ANK3: variants seen among roughly 807,000 people sequenced by gnomAD.
ANK3 encodes the protein ankyrin-3.
A neutral mutation model predicts 370.9 loss-of-function variants in ANK3; 57 were observed. The ratio of observed to expected loss-of-function variants is 0.15; its 90% CI spans 0.12 to 0.19. The LOEUF (loss-of-function observed/expected upper bound fraction) is 0.19. ANK3 is among the 10% of genes least tolerant of loss of function. The pLI is 1.00. For synonymous variants in ANK3, 1,929 were observed against 1,946.3 expected, an observed-to-expected ratio of 0.99 and a Z score of 0.23; for missense variants, 4,439 against 5,302.1, an observed-to-expected ratio of 0.84 and a Z score of 5.06.
At position 60,141,561 on chromosome 10, in the gene ANK3, G is replaced by GTTTTTTTTTTTTTTTTT. The variant is rs36033791; in HGVS notation, c.2615-2491_2615-2475dup. On this transcript the variant is annotated intron_variant, in intron 23 of 43. Coordinates refer to ENST00000280772, the MANE Select transcript of ANK3 (RefSeq NM_020987.5). ...CACTGGAGAGGCCATTTCAATTGCT[G>GTTTTTTTTTTTTTTTTT]TTTTTTTTTTTTTTTTTTTTTTTTT... Among the ~76,000 whole-genome samples the GTTTTTTTTTTTTTTTTT allele has an allele frequency of 8.2e-5, 4 of 49,044 alleles. 1 individual carries two copies. The highest frequency in any genetic ancestry group is 3.7e-4 in the African/African-American group (4 of 10,746). 32.2% of individuals were successfully genotyped at this position (49,044 alleles called of 152,430 possible).
chr10:60,156,121 CA>C (rs1290213168), intron 23 of ANK3, among the ~76,000 whole-genome samples: 1 of 152,214 alleles, frequency 6.6e-6, no homozygotes, highest in African/African-American at 2.4e-5. Flanking sequence ...TCAGTTGTGA[CA>C]CCAGCTGTGG....
At chr10:60,629,474 C>G (rs1461802061) in intron 1 of ANK3, among the ~76,000 whole-genome samples, 1 of 152,074 alleles carries the variant, frequency 6.6e-6, no homozygotes, top group Non-Finnish European at 1.5e-5. Flanking sequence ...ACTATCATCT[C>G]AAGCTAGATG....
In ANK3 at chr10:60,028,157, A is replaced by G. The variant is rs2072519319; in HGVS notation, c.*1689T>C. ...TATCTCCAATTCTTCACTTTTCAAG[A>G]AGGCCTGAACAGATGTGGGCAAAGC... On this transcript the variant is annotated 3_prime_UTR_variant, in exon 44 of 44. Coordinates refer to ENST00000280772, the MANE Select transcript of ANK3 (RefSeq NM_020987.5). 1 of 152,216 alleles carries G rather than the reference A, an allele frequency of 6.6e-6. No individual in the cohort carries two copies. The highest frequency in any genetic ancestry group is 1.5e-5 in the Non-Finnish European group (1 of 68,046). 9.4% of individuals were successfully genotyped at this position (152,216 alleles called of 1,614,324 possible).
chr10:60,249,555 C>T (rs1244029473), intron 7 of ANK3, among the ~76,000 whole-genome samples: 1 of 152,220 alleles, frequency 6.6e-6, no homozygotes, highest in Non-Finnish European at 1.5e-5. Context: ...TCTCAGGTAT[C>T]TTGCCTTCAC....
chr10:60,319,968 C>T (rs949696031), intron 1 of ANK3, among the ~76,000 whole-genome samples: 7 of 152,142 alleles, frequency 4.6e-5, no homozygotes, highest in Non-Finnish European at 7.3e-5. Flanking sequence ...AAAAGGGACC[C>T]CAGTTTCCCT....
intron 23 of ANK3, among the ~76,000 whole-genome samples, chr10:60,164,846 C>A (rs949376762): frequency 2.6e-5 from 4 of 152,126 alleles, no homozygotes; most frequent in East Asian, 1.9e-4. Context: ...TTCGGCAATA[C>A]CACAAAATTA....
chr10:60,526,725 C>T (rs1398635756), intron 2 of ANK3, among the ~76,000 whole-genome samples: 3 of 152,058 alleles, frequency 2.0e-5, no homozygotes, highest in Non-Finnish European at 4.4e-5. Flanking sequence ...GAGAGACCCA[C>T]ATGGTATATT....
intron 14 of ANK3, among the ~76,000 whole-genome samples, chr10:60,196,927 G>A (rs2132404631): frequency 6.6e-6 from 1 of 152,114 alleles, no homozygotes; most frequent in East Asian, 1.9e-4. Context: ...AAGTCTTCAG[G>A]TATCTCACCA....
intron 42 of ANK3, 55 bp from the exon 43 acceptor site, chr10:60,042,814 A>G: frequency 6.8e-7 from 1 of 1,461,750 alleles, no homozygotes; most frequent in Non-Finnish European, 9.0e-7. Flanking sequence ...TTAGTTATAA[A>G]GCAGTCCATT....
Position 60,068,938 on chromosome 10 carries a change from T to G in ANK3, c.11943A>C (p.Thr3981=), listed in dbSNP as rs2082145837. ...TTTTTTTTSC[T]VKVRKSQLKE... is the part of the protein sequence containing the mutation. ...TGAGCTGACTTTTCCTAACTTTAACTGTGCAGCTGGTGGTGGTGGTAGTGG... is the reference window on the plus strand; with the variant it reads ...TGAGCTGACTTTTCCTAACTTTAACGGTGCAGCTGGTGGTGGTGGTAGTGG... Residue 3981 remains threonine, a synonymous_variant, in exon 37 of 44, where the codon ACA becomes ACC. Transcript: ENST00000280772. 6.2e-7 allele frequency: 1 copy of G among 1,613,984 alleles called. No individual in the cohort carries two copies. The highest frequency in any genetic ancestry group is 1.3e-5 in the African/African-American group (1 of 74,928).
chr10:60,648,230 G>T (rs1299377955), intron 1 of ANK3, among the ~76,000 whole-genome samples: 3 of 140,316 alleles, frequency 2.1e-5, no homozygotes, highest in Non-Finnish European at 4.5e-5. Flanking sequence ...TCAGCTCACT[G>T]CAAGCTCCAC....
chr10:60,435,243 T>C (rs1347584653), intron 2 of ANK3, among the ~76,000 whole-genome samples: 1 of 152,252 alleles, frequency 6.6e-6, no homozygotes, highest in African/African-American at 2.4e-5. Context: ...TGAAAGTTTG[T>C]ACACTTTCCT....
intron 2 of ANK3, among the ~76,000 whole-genome samples, chr10:60,412,279 A>G (rs1372819626): frequency 6.6e-6 from 1 of 152,150 alleles, no homozygotes; most frequent in Non-Finnish European, 1.5e-5. Flanking sequence ...TGCCCTCCCA[A>G]TGTGGATGGG....
chr10:60,671,962 C>A (rs558545225), intron 1 of ANK3, among the ~76,000 whole-genome samples: 1 of 152,354 alleles, frequency 6.6e-6, no homozygotes, highest in South Asian at 2.1e-4. Flanking sequence ...ATCTTGGCAG[C>A]AACTTAGTGA....
intron 1 of ANK3, chr10:60,300,516 A>C (rs1348434325): frequency 2.2e-5 from 27 of 1,230,750 alleles, no homozygotes; most frequent in East Asian, 5.7e-5. Flanking sequence ...ATTTAAATGG[A>C]GGGTGGGCGG....
At chr10:60,350,880 T>TGCG (rs2056721534) in intron 1 of ANK3, among the ~76,000 whole-genome samples, 1 of 152,076 alleles carries the variant, frequency 6.6e-6, no homozygotes, top group Non-Finnish European at 1.5e-5. Context: ...CCTTTGATAC[T>TGCG]TCCCAGGGCC....
intron 25 of ANK3, among the ~76,000 whole-genome samples, chr10:60,132,330 A>G (rs2094122355): frequency 6.6e-6 from 1 of 152,040 alleles, no homozygotes; most frequent in Admixed American, 6.6e-5. Context: ...TGTGGGAGGG[A>G]CCTGGTGGGA....
chr10:60,119,217 C>A (rs1013095381), intron 25 of ANK3, among the ~76,000 whole-genome samples: 2 of 152,136 alleles, frequency 1.3e-5, no homozygotes, highest in African/African-American at 4.8e-5. Flanking sequence ...CTTCCTATGG[C>A]GCATCCATCT....
intron 2 of ANK3, among the ~76,000 whole-genome samples, chr10:60,487,752 T>A (rs557141847): frequency 6.6e-6 from 1 of 150,894 alleles, no homozygotes; most frequent in East Asian, 2.0e-4. Flanking sequence ...CTCGCTCTTG[T>A]TGCCCAGGTT....
Sources: allele counts gnomAD v4.1 joint callset (sites outside exome capture counted in the v4.1 genomes callset), GRCh38; gene constraint gnomAD v4.1.1; transcripts MANE v1.5; gene names NCBI Gene and HGNC (gene_info 2026-07-23, HGNC 2026-07-21).